BCAR3: variants seen among roughly 807,000 people sequenced by gnomAD.
BCAR3 encodes BCAR3 adaptor protein, NSP family member.
In BCAR3, 37 loss-of-function variants were observed where a neutral mutation model predicts 80.1. The observed-to-expected ratio is 0.46, with a 90% CI of 0.36 to 0.61. The LOEUF is 0.61. Ranked by LOEUF, BCAR3 falls within the 20% of genes least tolerant of loss-of-function variation. The probability of loss-of-function intolerance (pLI) is 0.00; values close to 1 mark genes in which losing one functional copy is unlikely to be tolerated. For missense variants in BCAR3, 978 were observed against 1,068.2 expected (o/e 0.92, Z 1.18); for synonymous variants, 389 against 418.9 (o/e 0.93, Z 0.87).
At chr1:93,833,697 T>A (rs1427129410) in intron 2 of BCAR3, among the ~76,000 whole-genome samples, 2 of 152,142 alleles carry the variant, frequency 1.3e-5, no homozygotes, top group African/African-American at 4.8e-5. Context: ...GCAGTCAGAC[T>A]TCATGGTTAT....
intron 3 of BCAR3, among the ~76,000 whole-genome samples, chr1:93,616,475 A>G (rs1675132020): frequency 6.6e-6 from 1 of 152,186 alleles, no homozygotes; most frequent in Admixed American, 6.5e-5. Flanking sequence ...TTCTCCCCAC[A>G]ATGATTATTC....
intron 2 of BCAR3, among the ~76,000 whole-genome samples, chr1:93,669,079 T>C (rs987054731): frequency 6.6e-6 from 1 of 152,114 alleles, no homozygotes; most frequent in Non-Finnish European, 1.5e-5. Context: ...AGCTTCCAAT[T>C]TGCAGACAGC....
intron 3 of BCAR3, among the ~76,000 whole-genome samples, chr1:93,626,874 C>T (rs1363027054): frequency 6.6e-6 from 1 of 152,158 alleles, no homozygotes; most frequent in East Asian, 1.9e-4. Flanking sequence ...GAATTGTGGG[C>T]TCAACTAGCT....
In BCAR3 at chr1:93,772,967, T is replaced by G. The variant is rs558864864; in HGVS notation, c.-62-66825A>C. ...AGATTTGCTGAAGGGCCATGGATAG[T>G]CATTGGTGGTAGGGACAATACTGAA... On this transcript the variant is annotated intron_variant, in intron 2 of 13. Transcript: ENST00000370244. 9.9e-5 allele frequency among the ~76,000 whole-genome samples: 15 copies of G among 152,270 alleles called. No homozygotes were observed. In the South Asian group the frequency reaches 3.1e-3, roughly 32 times the overall value.
intron 2 of BCAR3, among the ~76,000 whole-genome samples, chr1:93,722,453 G>T (rs1650438429): frequency 6.6e-6 from 1 of 152,174 alleles, no homozygotes; most frequent in Admixed American, 6.5e-5. Context: ...GTGCCCTGGG[G>T]ATACTAAGGC....
intron 2 of BCAR3, among the ~76,000 whole-genome samples, chr1:93,673,029 C>T (rs1648291900): frequency 6.6e-6 from 1 of 152,160 alleles, no homozygotes; most frequent in South Asian, 2.1e-4. Context: ...CTTGACTTCC[C>T]CATGCCTGCA....
intron 2 of BCAR3, among the ~76,000 whole-genome samples, chr1:93,790,090 G>A (rs1264123386): frequency 6.6e-6 from 1 of 152,060 alleles, no homozygotes; most frequent in Non-Finnish European, 1.5e-5. Flanking sequence ...TCAAATTGAT[G>A]AACTAACATA....
intron 8 of BCAR3, 64 bp from the exon 9 acceptor site, chr1:93,571,905 A>C: frequency 3.3e-6 from 5 of 1,530,558 alleles, no homozygotes; most frequent in African/African-American, 1.4e-5. Context: ...ACTAAACCAA[A>C]TCAGCCAAGA....
intron 2 of BCAR3, among the ~76,000 whole-genome samples, chr1:93,718,890 CAGGGTCT>C (rs2101984922): frequency 6.7e-6 from 1 of 150,372 alleles, no homozygotes; most frequent in East Asian, 2.0e-4. Flanking sequence ...TTTTTAGAGA[CAGGGTCT>C]CCCTATGTTG....
intron 9 of BCAR3, chr1:93,568,079 G>A (rs1233978408): frequency 2.4e-5 from 10 of 408,936 alleles, no homozygotes; most frequent in Admixed American, 3.8e-5. Context: ...CCAGCTACTC[G>A]GGAGGTTGAG....
rs141758934 is a variant in BCAR3, at chr1:93,669,253, A to C, written c.317+5361T>G. 6.9e-3 allele frequency among the ~76,000 whole-genome samples: 1,046 copies of C among 152,274 alleles called. 5 individuals are homozygous for C. The highest frequency in any genetic ancestry group is 0.014 in the Middle Eastern group (4 of 294). On this transcript the variant is annotated intron_variant, in intron 2 of 11. Transcript: ENST00000260502. Reference sequence around the variant, plus strand: ...GTAGTTACAGAAACCAATGGTTCTGAAGAGGAATAACTAAAACCATTTTTC... The same window carrying C: ...GTAGTTACAGAAACCAATGGTTCTGCAGAGGAATAACTAAAACCATTTTTC...
rs201785778 is a variant in BCAR3, at chr1:93,567,324, C to G, written c.2254G>C (p.Glu752Gln). The change falls in exon 11 of 12, where the codon GAG (glutamate) becomes CAG (glutamine). Residue 752 changes from glutamate (E) to glutamine (Q), a missense_variant. Coordinates refer to ENST00000260502, the MANE Select transcript of BCAR3 (RefSeq NM_003567.4). Reference sequence around the variant, plus strand: ...TTCATCCGGTAGCTGTCTGCAGCCTCGGCCATGAATCGCGCTGTTGCCAAA... The same window carrying G: ...TTCATCCGGTAGCTGTCTGCAGCCTGGGCCATGAATCGCGCTGTTGCCAAA... ...NHLATARFMA[E>Q]AADSYRMNAE... 6 of 1,614,062 alleles carry G rather than the reference C, an allele frequency of 3.7e-6. No homozygotes were observed. In the African/African-American group the frequency reaches 4.0e-5, roughly 11 times the overall value.
chr1:93,607,870 T>C (rs1378386926), intron 3 of BCAR3, among the ~76,000 whole-genome samples: 1 of 152,200 alleles, frequency 6.6e-6, no homozygotes, highest in Non-Finnish European at 1.5e-5. Flanking sequence ...CAGCGTAAGC[T>C]GCTTGTATCT....
chr1:93,638,122 G>A (rs1405362877), intron 3 of BCAR3, among the ~76,000 whole-genome samples: 3 of 152,164 alleles, frequency 2.0e-5, no homozygotes. Flanking sequence ...GGTGGCAGAC[G>A]CCTGTAGTTC....
At chr1:93,821,037 G>A (rs1285519107) in intron 2 of BCAR3, among the ~76,000 whole-genome samples, 1 of 152,096 alleles carries the variant, frequency 6.6e-6, no homozygotes, top group African/African-American at 2.4e-5. Context: ...CTATCACTCC[G>A]GAAATTACAA....
Position 93,582,517 on chromosome 1 carries a change from C to G in BCAR3, c.1470G>C (p.Ala490=). 2 of 1,613,984 alleles carry G rather than the reference C, an allele frequency of 1.2e-6. No homozygotes were observed. Among genetic ancestry groups the G allele is most frequent in the Non-Finnish European group, 1.7e-6 (2 of 1,179,952 alleles). The part of the protein sequence containing the change: ...DDDRERPWEP[A]AAQMEKGQWD... ...ACTGCCCCTTCTCCATCTGAGCTGC[C>G]GCAGGTTCCCAAGGTCTTTCCCTGT... Residue 490 remains alanine, a synonymous_variant, in exon 7 of 12, where the codon GCG becomes GCC. Transcript: ENST00000260502.
chr1:93,573,067 A>C (rs1673284130), intron 8 of BCAR3, among the ~76,000 whole-genome samples: 1 of 152,120 alleles, frequency 6.6e-6, no homozygotes, highest in Admixed American at 6.5e-5. Context: ...GTAAAATGGG[A>C]GCAAGGGTTG....
At chr1:93,699,175 T>A (rs1205117436) in intron 3 of BCAR3, among the ~76,000 whole-genome samples, 1 of 152,224 alleles carries the variant, frequency 6.6e-6, no homozygotes, top group Non-Finnish European at 1.5e-5. Flanking sequence ...ATAACCCTGG[T>A]CGGCCAGTAA....
intron 4 of BCAR3, chr1:93,590,474 T>G (rs530389983): frequency 6.6e-6 from 1 of 152,370 alleles, no homozygotes; most frequent in South Asian, 2.1e-4. Context: ...GTTATGGTTA[T>G]AGTGTTCAGT....
Sources: allele counts gnomAD v4.1 joint callset (sites outside exome capture counted in the v4.1 genomes callset), GRCh38; gene constraint gnomAD v4.1.1; transcripts MANE v1.5; gene names NCBI Gene and HGNC (gene_info 2026-07-23, HGNC 2026-07-21).